Variants in ANKS1B observed in about 807,000 individuals in gnomAD.
ANKS1B encodes ankyrin repeat and sterile alpha motif domain-containing protein 1B.
In ANKS1B, 36 loss-of-function variants were observed where a neutral mutation model predicts 148.3. The observed-to-expected ratio is 0.24, with a 90% CI of 0.19 to 0.32. The LOEUF (loss-of-function observed/expected upper bound fraction) is 0.32. Ranked by LOEUF, ANKS1B falls within the 10% of genes least tolerant of loss-of-function variation. The probability of loss-of-function intolerance (pLI) is 1.00; values close to 1 mark genes in which losing one functional copy is unlikely to be tolerated. For synonymous variants in ANKS1B, 542 were observed against 560.8 expected (o/e 0.97, Z 0.47); for missense variants, 1,157 against 1,542.6 (o/e 0.75, Z 4.19).
intron 19 of ANKS1B, among the ~76,000 whole-genome samples, chr12:98,815,373 T>C (rs1466030929): frequency 3.3e-5 from 5 of 152,208 alleles, no homozygotes; most frequent in African/African-American, 1.2e-4. Context: ...CCTTGATCAC[T>C]CCTCCATTCC....
intron 1 of ANKS1B, among the ~76,000 whole-genome samples, chr12:99,910,635 T>C (rs2093974555): frequency 6.6e-6 from 1 of 152,202 alleles, no homozygotes; most frequent in Admixed American, 6.5e-5. Flanking sequence ...ACTGTGGTAG[T>C]GGTTTCACAA....
In ANKS1B at chr12:99,401,789, C is replaced by A. The variant is rs1263918871; in HGVS notation, c.1576-1978G>T. 6.1e-5 allele frequency among the ~76,000 whole-genome samples: 9 copies of A among 146,458 alleles called. 3 individuals are homozygous for A. Among genetic ancestry groups the A allele is most frequent in the Non-Finnish European group, 1.2e-4 (8 of 66,256 alleles). ...ATGATTATGCTTCAGTATCACATAG[C>A]AGTAAGGGTGATGAAAAATTAGAAG... On this transcript the variant is annotated intron_variant, in intron 11 of 26. Coordinates refer to ENST00000683438, the MANE Select transcript of ANKS1B (RefSeq NM_001352186.2).
At chr12:99,632,765 A>ATATATATATG (rs2098181396) in intron 9 of ANKS1B, among the ~76,000 whole-genome samples, 1 of 81,588 alleles carries the variant, frequency 1.2e-5, no homozygotes, top group Admixed American at 1.3e-4. Context: ...ATATATATAT[A>ATATATATATG]TATTTTAATT....
At chr12:99,802,012 G>A (rs922954318) in intron 4 of ANKS1B, among the ~76,000 whole-genome samples, 3 of 152,104 alleles carry the variant, frequency 2.0e-5, no homozygotes, top group East Asian at 1.9e-4. Flanking sequence ...TAGAGATGTC[G>A]TGAAATTATC....
At chr12:99,668,989 C>T (rs1038245946) in intron 8 of ANKS1B, among the ~76,000 whole-genome samples, 3 of 152,040 alleles carry the variant, frequency 2.0e-5, no homozygotes, top group African/African-American at 7.2e-5. Flanking sequence ...CCTTTGAACT[C>T]TTTTATATCT....
intron 10 of ANKS1B, among the ~76,000 whole-genome samples, chr12:99,456,384 A>G (rs2039698941): frequency 6.6e-6 from 1 of 152,196 alleles, no homozygotes; most frequent in Non-Finnish European, 1.5e-5. Context: ...CTCCAAAAGA[A>G]CATACTGGCT....
rs773011598 is a variant in ANKS1B at position 98,745,731 on chromosome 12, G to T, written c.*8C>A. The T allele has an allele frequency of 1.6e-5, 26 of 1,613,140 alleles. No individual in the cohort carries two copies. The highest frequency in any genetic ancestry group is 3.3e-4 in the Middle Eastern group (2 of 6,084). The stretch of plus-strand genomic sequence containing the variant: ...CAAGGCACCGCGAGGACAGGAGGAC[G>T]GCGAGTATCAGAAAATCGTGGTTTC... On this transcript the variant is annotated 3_prime_UTR_variant, in exon 27 of 27. Transcript: ENST00000683438.
At chr12:99,524,046 G>A (rs534688705) in intron 9 of ANKS1B, among the ~76,000 whole-genome samples, 1 of 152,238 alleles carries the variant, frequency 6.6e-6, no homozygotes, top group East Asian at 1.9e-4. Flanking sequence ...TGGGTTTATG[G>A]CTTTTTTAAA....
intron 12 of ANKS1B, among the ~76,000 whole-genome samples, chr12:99,395,034 A>G (rs2094200329): frequency 1.3e-5 from 2 of 152,130 alleles, no homozygotes; most frequent in South Asian, 2.1e-4. Flanking sequence ...CTCATATACC[A>G]TGTCCACTCC....
chr12:99,098,619 CTTTTTTTTTTTTTTTTTTTTTT>C (rs71081896), intron 15 of ANKS1B, among the ~76,000 whole-genome samples: 22 of 32,120 alleles, frequency 6.8e-4, no homozygotes, highest in Middle Eastern at 0.036. Context: ...CTAGGAACTA[CTTTTTTTTTTTTTTTTTTTTTT>C]TTTTTTTTTT....
At chr12:99,936,577 C>T (rs762713457) in intron 1 of ANKS1B, among the ~76,000 whole-genome samples, 3 of 152,158 alleles carry the variant, frequency 2.0e-5, no homozygotes, top group African/African-American at 4.8e-5. Context: ...TATTATAAGG[C>T]CTATGTTACT....
At chr12:99,336,907 C>T (rs571278390) in intron 12 of ANKS1B, among the ~76,000 whole-genome samples, 1 of 152,070 alleles carries the variant, frequency 6.6e-6, no homozygotes, top group African/African-American at 2.4e-5. Context: ...TTATTTGTTT[C>T]TTTTCTCTTG....
chr12:99,919,222 C>T (rs976196013), intron 1 of ANKS1B, among the ~76,000 whole-genome samples: 4 of 152,048 alleles, frequency 2.6e-5, no homozygotes, highest in African/African-American at 9.7e-5. Context: ...GTCAGACAAT[C>T]CCAGTTTTGC....
chr12:99,648,783 C>T (rs1185952875), intron 9 of ANKS1B: 1 of 1,609,460 alleles, frequency 6.2e-7, no homozygotes, highest in Non-Finnish European at 8.5e-7. Context: ...TGCAGAGGAG[C>T]CCAGTGGTGA....
chr12:99,171,529 A>T (rs2153836457), intron 14 of ANKS1B, among the ~76,000 whole-genome samples: 1 of 152,332 alleles, frequency 6.6e-6, no homozygotes, highest in South Asian at 2.1e-4. Context: ...GGAAGTCAGG[A>T]GCTTGGATTC....
chr12:99,563,080 C>G (rs1050093024), intron 9 of ANKS1B, among the ~76,000 whole-genome samples: 3 of 152,144 alleles, frequency 2.0e-5, no homozygotes, highest in African/African-American at 7.2e-5. Flanking sequence ...AAGCCTTGTT[C>G]TTTATTAGCT....
chr12:99,320,206 T>C (rs542658602), intron 12 of ANKS1B, among the ~76,000 whole-genome samples: 1 of 152,166 alleles, frequency 6.6e-6, no homozygotes, highest in Non-Finnish European at 1.5e-5. Context: ...CTTTGTGGCA[T>C]TCTCTGTATC....
intron 17 of ANKS1B, among the ~76,000 whole-genome samples, chr12:98,969,178 G>A (rs562787778): frequency 1.3e-5 from 2 of 152,278 alleles, no homozygotes; most frequent in East Asian, 3.9e-4. Context: ...ACTTAGATGG[G>A]AGTACAGGAA....
intron 17 of ANKS1B, among the ~76,000 whole-genome samples, chr12:98,986,235 T>G (rs2099923305): frequency 6.6e-6 from 1 of 152,120 alleles, no homozygotes; most frequent in Non-Finnish European, 1.5e-5. Context: ...TGGTGTTCTC[T>G]GTGGTCTGTT....
Sources: gnomAD v4.1 joint callset for allele counts (sites outside exome capture counted in the v4.1 genomes callset) on GRCh38, gnomAD v4.1.1 for gene constraint, MANE v1.5 for transcripts, NCBI Gene and HGNC (gene_info 2026-07-23, HGNC 2026-07-21) for gene names.